APH1B: variants seen among roughly 807,000 people sequenced by gnomAD.
The protein encoded by APH1B is aph-1B gamma-secretase subunit.
A neutral mutation model predicts 28.2 loss-of-function variants in APH1B; 27 were observed. The ratio of observed to expected loss-of-function variants is 0.96; its 90% confidence interval spans 0.70 to 1.32. The LOEUF is 1.32. Among genes scored for constraint, APH1B ranks in the 40% most tolerant of loss-of-function variants. The pLI is 0.00. For missense variants in APH1B, 305 were observed against 313.6 expected, an observed-to-expected ratio of 0.97 and a Z score of 0.21; for synonymous variants, 141 against 124.6, an observed-to-expected ratio of 1.13 and a Z score of -0.88.
At chr15:63,305,534 G>A in intron 5 of APH1B, 80 bp from the exon 6 acceptor site, 1 of 1,512,814 alleles carries the variant, frequency 6.6e-7, no homozygotes. Flanking sequence ...AGTATTCCAT[G>A]CTTCCCTTTA....
At chr15:63,292,421 C>G (rs1434667327) in intron 4 of APH1B, among the ~76,000 whole-genome samples, 2 of 152,186 alleles carry the variant, frequency 1.3e-5, no homozygotes, top group East Asian at 3.8e-4. Context: ...AGGTCTTGCT[C>G]TGTCACTCTG....
In APH1B at chr15:63,305,469, G is replaced by A. The variant is rs757897980; in HGVS notation, c.607-145G>A. On this transcript the variant is annotated intron_variant, in intron 5 of 5. Coordinates refer to ENST00000261879, the MANE Select transcript of APH1B (RefSeq NM_031301.4). The stretch of plus-strand genomic sequence containing the variant: ...CCAGCTTAGTTCTACATGCCTCAGG[G>A]CCTTAACGCATGACACACATCATAC... 3.3e-4 allele frequency: 290 copies of A among 870,294 alleles called. 3 individuals carry two copies. Among genetic ancestry groups the A allele is most frequent in the Middle Eastern group, 2.5e-3 (7 of 2,794 alleles). 53.9% of individuals were successfully genotyped at this position (870,294 alleles called of 1,614,324 possible).
rs1230595611 is a variant in APH1B at position 63,306,889 on chromosome 15, T to C, written c.*1108T>C. 1 of 152,258 alleles carries C rather than the reference T, an allele frequency of 6.6e-6. No homozygotes were observed. Among genetic ancestry groups the C allele is most frequent in the Non-Finnish European group, 1.5e-5 (1 of 68,048 alleles). 9.4% of individuals were successfully genotyped at this position (152,258 alleles called of 1,614,324 possible). On this transcript the variant is annotated 3_prime_UTR_variant, in exon 6 of 6. Coordinates refer to ENST00000261879, the MANE Select transcript of APH1B (RefSeq NM_031301.4). The stretch of plus-strand genomic sequence containing the variant: ...ACTATTGCATAATCCATATGCTCTT[T>C]AGATCTAGTCAGTGTCTCTGGGTTT...
At chr15:63,296,463 G>A (rs2068143) in intron 4 of APH1B, among the ~76,000 whole-genome samples, 56,430 of 152,000 alleles carry the variant, frequency 0.37, 12,448 homozygotes, top group African/African-American at 0.62. Context: ...GGTGATGGCA[G>A]TTTCTGTGCT....
At chr15:63,283,921 T>C (rs1190455420) in intron 2 of APH1B, among the ~76,000 whole-genome samples, 1 of 152,236 alleles carries the variant, frequency 6.6e-6, no homozygotes, top group Non-Finnish European at 1.5e-5. Flanking sequence ...CTAGTTGTTC[T>C]GTCACCATTT....
chr15:63,302,519 A>T, intron 5 of APH1B, 47 bp downstream of exon 5: 1 of 1,585,598 alleles, frequency 6.3e-7, no homozygotes, highest in Non-Finnish European at 8.6e-7. Flanking sequence ...ACTCAAGTCT[A>T]TGTATCTAAA....
intron 2 of APH1B, among the ~76,000 whole-genome samples, chr15:63,280,518 A>G (rs1304293560): frequency 6.6e-6 from 1 of 152,320 alleles, no homozygotes; most frequent in Middle Eastern, 3.4e-3. Context: ...TCTTGCCAAT[A>G]TGCTAGGTTT....
intron 4 of APH1B, among the ~76,000 whole-genome samples, chr15:63,300,101 G>A: frequency 6.6e-6 from 1 of 152,134 alleles, no homozygotes; most frequent in East Asian, 1.9e-4. Flanking sequence ...AATGCAAATA[G>A]GAGTCACCTA....
intron 2 of APH1B, 22 bp downstream of exon 2, chr15:63,279,353 C>A: frequency 6.4e-7 from 1 of 1,567,954 alleles, no homozygotes. Flanking sequence ...ACCTGCCTTA[C>A]CTTTTTTTTC....
intron 4 of APH1B, among the ~76,000 whole-genome samples, chr15:63,290,152 A>T (rs1170372766): frequency 6.6e-6 from 1 of 152,200 alleles, no homozygotes; most frequent in South Asian, 2.1e-4. Flanking sequence ...CCTGTAGTAT[A>T]TATCTGTCTA....
chr15:63,295,711 A>G (rs2038558897), intron 4 of APH1B, among the ~76,000 whole-genome samples: 1 of 152,226 alleles, frequency 6.6e-6, no homozygotes, highest in Admixed American at 6.5e-5. Context: ...CAAAATGTCT[A>G]CAGACATTGA....
intron 4 of APH1B, among the ~76,000 whole-genome samples, chr15:63,298,842 A>G (rs2038594384): frequency 6.6e-6 from 1 of 150,536 alleles, no homozygotes; most frequent in African/African-American, 2.5e-5. Context: ...TCTAAAGATA[A>G]TATATATAAT....
intron 4 of APH1B, among the ~76,000 whole-genome samples, chr15:63,289,907 G>T (rs563200072): frequency 6.6e-6 from 1 of 152,114 alleles, no homozygotes; most frequent in African/African-American, 2.4e-5. Flanking sequence ...AGGAGGCCGA[G>T]GTGGGAGAAT....
At chr15:63,300,584 G>A (rs1466449543) in intron 4 of APH1B, among the ~76,000 whole-genome samples, 1 of 152,192 alleles carries the variant, frequency 6.6e-6, no homozygotes, top group Non-Finnish European at 1.5e-5. Context: ...TCTCTCCAGG[G>A]AGGCCTCCTT....
At chr15:63,305,436 T>C (rs957214138) in intron 5 of APH1B, among the ~76,000 whole-genome samples, 178 bp from the exon 6 acceptor site, 1 of 152,210 alleles carries the variant, frequency 6.6e-6, no homozygotes, top group Non-Finnish European at 1.5e-5. Context: ...ACCCACAGTA[T>C]CTGCTGACCA....
At chr15:63,283,681 G>GT (rs1473361500) in intron 2 of APH1B, among the ~76,000 whole-genome samples, 1 of 152,134 alleles carries the variant, frequency 6.6e-6, no homozygotes, top group African/African-American at 2.4e-5. Flanking sequence ...TAGCATCAAA[G>GT]TTTTTAATTT....
chr15:63,306,509 T>C lies in APH1B; in HGVS notation c.*728T>C, dbSNP rs185314179. On this transcript the variant is annotated 3_prime_UTR_variant, in exon 6 of 6. Transcript: ENST00000261879. ...TAAAAATGATTGTTTTGTGACTTCC[T>C]TGGGAAGGTATTTTAAAATCAGGAA... is the stretch of plus-strand genomic sequence containing the variant. 7 of 152,384 alleles carry C rather than the reference T, an allele frequency of 4.6e-5. No homozygotes were observed. The East Asian group carries it at 1.3e-3, about 29-fold the overall frequency. 9.4% of individuals were successfully genotyped at this position (152,384 alleles called of 1,614,324 possible).
chr15:63,278,419 C>G (rs2038349454), intron 1 of APH1B: 4 of 452,096 alleles, frequency 8.8e-6, no homozygotes, highest in Non-Finnish European at 1.8e-5. Context: ...CATACCACAT[C>G]CCCCCTCCTC....
At chr15:63,283,397 C>CTG (rs111340278) in intron 2 of APH1B, among the ~76,000 whole-genome samples, 108,111 of 151,692 alleles carry the variant, frequency 0.71, 38,836 homozygotes, top group East Asian at 0.88. Context: ...ACCCAGCTAA[C>CTG]TTGTATTTTT....
Sources: gnomAD v4.1 joint callset for allele counts (sites outside exome capture counted in the v4.1 genomes callset) on GRCh38, gnomAD v4.1.1 for gene constraint, MANE v1.5 for transcripts, NCBI Gene and HGNC (gene_info 2026-07-23, HGNC 2026-07-21) for gene names.